The following WWOX variants were observed in gnomAD, a reference collection of about 807,000 sequenced individuals.
WWOX encodes the protein WW domain containing oxidoreductase.
A neutral mutation model predicts 46.2 loss-of-function variants in WWOX; 69 were observed. The ratio of observed to expected loss-of-function variants is 1.49; its 90% CI spans 1.23 to 1.82. WWOX has a LOEUF of 1.82. Ranked by LOEUF, WWOX falls within the 40% of genes most tolerant of loss-of-function variation. The pLI is 0.00. For missense variants in WWOX, 919 were observed against 542.6 expected (o/e 1.69, Z -6.89); for synonymous variants, 359 against 202.6 (o/e 1.77, Z -6.56).
intron 6 of WWOX, among the ~76,000 whole-genome samples, chr16:78,387,636 C>T (rs577881555): frequency 6.6e-5 from 10 of 152,146 alleles, no homozygotes; most frequent in Non-Finnish European, 1.2e-4. Flanking sequence ...CCCTGAAACA[C>T]TGAGCTAAGG....
intron 8 of WWOX, among the ~76,000 whole-genome samples, chr16:79,176,978 A>T (rs1426697803): frequency 6.6e-6 from 1 of 152,102 alleles, no homozygotes; most frequent in Non-Finnish European, 1.5e-5. Flanking sequence ...ATGGAGTACA[A>T]TGAATAGATG....
chr16:78,433,306 C>A (rs2083265688), intron 8 of WWOX, among the ~76,000 whole-genome samples: 1 of 152,098 alleles, frequency 6.6e-6, no homozygotes, highest in Admixed American at 6.5e-5. Context: ...TTGGATGAAT[C>A]ATGGTACTGT....
chr16:78,147,901 A>T (rs2034263463), intron 4 of WWOX, among the ~76,000 whole-genome samples: 1 of 151,590 alleles, frequency 6.6e-6, no homozygotes, highest in African/African-American at 2.4e-5. Flanking sequence ...GAGGGATCAC[A>T]GCCCTTTTGG....
At chr16:78,597,363 T>C (rs1227006244) in intron 8 of WWOX, among the ~76,000 whole-genome samples, 2 of 152,204 alleles carry the variant, frequency 1.3e-5, no homozygotes, top group African/African-American at 2.4e-5. Flanking sequence ...GATTCATTCA[T>C]TTGGATTCTA....
At chr16:79,197,870 A>T (rs2051271007) in intron 8 of WWOX, among the ~76,000 whole-genome samples, 1 of 152,132 alleles carries the variant, frequency 6.6e-6, no homozygotes, top group African/African-American at 2.4e-5. Context: ...TCCTGATATA[A>T]GGCTCTCACT....
At chr16:78,626,605 A>C (rs2550607) in intron 8 of WWOX, among the ~76,000 whole-genome samples, 1 of 151,886 alleles carries the variant, frequency 6.6e-6, no homozygotes, top group Non-Finnish European at 1.5e-5. Context: ...GGTAGTGTTC[A>C]TTAGGTTTCT....
At chr16:78,861,630 C>G (rs1408537351) in intron 8 of WWOX, among the ~76,000 whole-genome samples, 2 of 152,138 alleles carry the variant, frequency 1.3e-5, no homozygotes, top group Non-Finnish European at 2.9e-5. Context: ...AAAAACATCA[C>G]AAATTATTTA....
At chr16:79,053,342 C>T (rs1445304054) in intron 8 of WWOX, among the ~76,000 whole-genome samples, 1 of 152,152 alleles carries the variant, frequency 6.6e-6, no homozygotes, top group Non-Finnish European at 1.5e-5. Context: ...ATTCCTGCAT[C>T]CCAGCAACGT....
intron 8 of WWOX, among the ~76,000 whole-genome samples, chr16:78,798,817 G>A (rs1021898244): frequency 2.6e-5 from 4 of 152,158 alleles, no homozygotes; most frequent in African/African-American, 9.7e-5. Context: ...GAGAGACTTA[G>A]AAGCTAATGT....
chr16:78,367,164 A>T (rs2081554477), intron 5 of WWOX, among the ~76,000 whole-genome samples: 1 of 151,842 alleles, frequency 6.6e-6, no homozygotes, highest in Admixed American at 6.6e-5. Context: ...TATTTTTAGT[A>T]GAGACAGGGT....
intron 8 of WWOX, among the ~76,000 whole-genome samples, chr16:78,494,888 G>A (rs1039976995): frequency 6.6e-6 from 1 of 152,104 alleles, no homozygotes; most frequent in African/African-American, 2.4e-5. Flanking sequence ...CCATTCGGAG[G>A]GTTTTAGGCC....
intron 8 of WWOX, among the ~76,000 whole-genome samples, chr16:78,821,755 G>C (rs1597669712): frequency 6.6e-6 from 1 of 152,218 alleles, no homozygotes; most frequent in Non-Finnish European, 1.5e-5. Context: ...CTGAGTCTTT[G>C]AGAAAATGCA....
intron 8 of WWOX, among the ~76,000 whole-genome samples, chr16:79,158,628 C>A (rs893606612): frequency 3.3e-5 from 5 of 152,230 alleles, no homozygotes; most frequent in Non-Finnish European, 7.3e-5. Flanking sequence ...GCCTCAGGGC[C>A]TTCACCTTCA....
In WWOX at chr16:78,522,379, T is replaced by C. The variant is rs1206905562; in HGVS notation, c.1056+89627T>C. 9.2e-5 allele frequency among the ~76,000 whole-genome samples: 14 copies of C among 152,322 alleles called. No individual in the cohort carries two copies. In the East Asian group the frequency reaches 2.5e-3, roughly 27 times the overall value. On this transcript the variant is annotated intron_variant, in intron 8 of 8. Transcript: ENST00000566780. ...TTGAGTGTTTCTGAGGCCAAGCCTTTTCCCACAAGGCACTGTGTACACGGT... is the reference window on the plus strand; with the variant it reads ...TTGAGTGTTTCTGAGGCCAAGCCTTCTCCCACAAGGCACTGTGTACACGGT...
At chr16:78,171,118 A>G (rs746007788) in intron 5 of WWOX, among the ~76,000 whole-genome samples, 22 of 152,204 alleles carry the variant, frequency 1.4e-4, no homozygotes, top group Non-Finnish European at 2.6e-4. Flanking sequence ...CAACCATTAT[A>G]TTAGGCTCAT....
chr16:78,103,567 C>T (rs919424483), intron 1 of WWOX, among the ~76,000 whole-genome samples: 1 of 152,082 alleles, frequency 6.6e-6, no homozygotes, highest in Non-Finnish European at 1.5e-5. Context: ...CCATCCTAAC[C>T]CGACATTCCC....
chr16:78,181,145 C>T (rs1053391999), intron 5 of WWOX, among the ~76,000 whole-genome samples: 32 of 151,924 alleles, frequency 2.1e-4, no homozygotes, highest in Non-Finnish European at 1.5e-4. Flanking sequence ...AAGAGAGACA[C>T]GCAGACACAC....
intron 5 of WWOX, among the ~76,000 whole-genome samples, chr16:78,204,093 G>C (rs1038953710): frequency 1.3e-5 from 2 of 152,192 alleles, no homozygotes; most frequent in Non-Finnish European, 2.9e-5. Context: ...AGTCTGCCCG[G>C]AGACGGGACA....
chr16:79,126,897 G>C (rs1215914390), intron 8 of WWOX, among the ~76,000 whole-genome samples: 2 of 152,162 alleles, frequency 1.3e-5, no homozygotes, highest in Non-Finnish European at 2.9e-5. Context: ...TACAGCCTCT[G>C]TGTGTAAGAC....
Sources: allele counts gnomAD v4.1 joint callset (sites outside exome capture counted in the v4.1 genomes callset), GRCh38; gene constraint gnomAD v4.1.1; transcripts MANE v1.5; gene names NCBI Gene and HGNC (gene_info 2026-07-23, HGNC 2026-07-21).